The following MICU1 variants were observed in gnomAD, a reference collection of about 807,000 sequenced individuals.
MICU1 encodes the protein mitochondrial calcium uptake 1.
Under a neutral mutation model 56.8 loss-of-function variants are expected in MICU1, and 45 were observed. That is an observed-to-expected ratio of 0.79 (90% CI 0.62 to 1.02). MICU1 has a LOEUF of 1.02. Ranked by LOEUF, MICU1 falls within the 50% of genes least tolerant of loss-of-function variation. The pLI, the probability that MICU1 is intolerant of heterozygous loss-of-function variation, is 0.00. For missense variants in MICU1, 504 were observed against 587.1 expected, an observed-to-expected ratio of 0.86 and a Z score of 1.46; for synonymous variants, 186 against 195.1, an observed-to-expected ratio of 0.95 and a Z score of 0.39.
chr10:72,532,531 T>C (rs990329067), intron 5 of MICU1, among the ~76,000 whole-genome samples: 1 of 152,146 alleles, frequency 6.6e-6, no homozygotes, highest in Non-Finnish European at 1.5e-5. Flanking sequence ...CCAAAGACTC[T>C]GAAATCAGAA....
At chr10:72,475,324 G>A in intron 7 of MICU1, 27 bp from the exon 8 acceptor site, 1 of 1,542,132 alleles carries the variant, frequency 6.5e-7, no homozygotes, top group Admixed American at 2.0e-5. Flanking sequence ...CCCACATCCA[G>A]AAAAATATTA....
intron 1 of MICU1, among the ~76,000 whole-genome samples, chr10:72,615,055 T>C (rs1841943380): frequency 6.6e-6 from 1 of 152,092 alleles, no homozygotes. Flanking sequence ...GCAGCATTTT[T>C]CATACTGCGG....
chr10:72,502,375 C>T (rs10823932), intron 6 of MICU1, among the ~76,000 whole-genome samples: 70,709 of 151,852 alleles, frequency 0.47, 20,334 homozygotes, highest in Non-Finnish European at 0.67. Flanking sequence ...AGGCTGGTCT[C>T]GAACTCCTGA....
intron 6 of MICU1, among the ~76,000 whole-genome samples, chr10:72,486,416 A>T (rs999276917): frequency 1.3e-5 from 2 of 152,216 alleles, no homozygotes; most frequent in Non-Finnish European, 2.9e-5. Context: ...ATTTTGTAGA[A>T]AATTTAATGA....
intron 10 of MICU1, among the ~76,000 whole-genome samples, chr10:72,377,308 T>C (rs948962052): frequency 2.0e-5 from 3 of 152,022 alleles, no homozygotes; most frequent in African/African-American, 7.2e-5. Flanking sequence ...TTAGTAGAGA[T>C]GGGGTTTCAC....
At chr10:72,575,801 TCC>T (rs1172179675) in intron 1 of MICU1, among the ~76,000 whole-genome samples, 4 of 152,090 alleles carry the variant, frequency 2.6e-5, no homozygotes, top group Admixed American at 1.3e-4. Context: ...CCTCAAGCCT[TCC>T]CATTCCCTGA....
intron 1 of MICU1, among the ~76,000 whole-genome samples, chr10:72,600,648 C>CAAAAAAAAA (rs71021514): frequency 2.8e-5 from 3 of 105,578 alleles, no homozygotes; most frequent in African/African-American, 7.1e-5. Context: ...GACTCCGTCT[C>CAAAAAAAAA]AAAAAAAAAA....
chr10:72,594,199 GC>G (rs1319540577), intron 1 of MICU1, among the ~76,000 whole-genome samples: 1 of 152,164 alleles, frequency 6.6e-6, no homozygotes, highest in African/African-American at 2.4e-5. Context: ...CCAGAAACAA[GC>G]CCTCACATAC....
At chr10:72,498,200 A>G (rs891354981) in intron 6 of MICU1, among the ~76,000 whole-genome samples, 1 of 152,358 alleles carries the variant, frequency 6.6e-6, no homozygotes, top group African/African-American at 2.4e-5. Context: ...ATGTTAGGTC[A>G]GTTTCTAGAA....
Position 72,440,329 on chromosome 10 carries a change from G to A in MICU1, c.934-16958C>T, listed in dbSNP as rs1864878036. Among the ~76,000 whole-genome samples, 3 of 152,296 alleles carry A rather than the reference G, an allele frequency of 2.0e-5. No individual in the cohort carries two copies. The South Asian group carries it at 6.2e-4, about 32-fold the overall frequency. On this transcript the variant is annotated intron_variant, in intron 8 of 11. Coordinates refer to ENST00000361114, the MANE Select transcript of MICU1 (RefSeq NM_001195518.2). Reference sequence around the variant, plus strand: ...TTCCCTATTTAATAAATGGTGCTGGGAAAACTGGCTAGCCATATGTAGAAG... The same window carrying A: ...TTCCCTATTTAATAAATGGTGCTGGAAAAACTGGCTAGCCATATGTAGAAG...
At chr10:72,605,999 C>T (rs992198989) in intron 1 of MICU1, among the ~76,000 whole-genome samples, 7 of 151,524 alleles carry the variant, frequency 4.6e-5, no homozygotes, top group Non-Finnish European at 1.0e-4. Context: ...GGCGTGGTGG[C>T]GCATGCCTGT....
At chr10:72,624,344 G>A (rs1163322931) in intron 1 of MICU1, among the ~76,000 whole-genome samples, 1 of 152,030 alleles carries the variant, frequency 6.6e-6, no homozygotes, top group Non-Finnish European at 1.5e-5. Flanking sequence ...ACAGGCATGC[G>A]CCCAGCTAAT....
intron 6 of MICU1, among the ~76,000 whole-genome samples, chr10:72,499,613 A>AT (rs1484333178): frequency 6.6e-6 from 1 of 152,206 alleles, no homozygotes; most frequent in African/African-American, 2.4e-5. Context: ...CAATTTAGCA[A>AT]TGGCAGATAA....
chr10:72,543,289 A>C (rs1353921579), intron 4 of MICU1, among the ~76,000 whole-genome samples: 2 of 152,216 alleles, frequency 1.3e-5, no homozygotes, highest in Non-Finnish European at 2.9e-5. Context: ...CATTAGTGCA[A>C]AAATGTTTTT....
At chr10:72,496,626 G>A (rs1015095064) in intron 6 of MICU1, among the ~76,000 whole-genome samples, 1 of 152,062 alleles carries the variant, frequency 6.6e-6, no homozygotes, top group African/African-American at 2.4e-5. Context: ...TGTAGAGACT[G>A]GGTTTCACCA....
At chr10:72,600,107 C>CA (rs1761329207) in intron 1 of MICU1, among the ~76,000 whole-genome samples, 1 of 151,796 alleles carries the variant, frequency 6.6e-6, no homozygotes, top group South Asian at 2.1e-4. Flanking sequence ...GTCTGGCCAA[C>CA]ATGGTGAAAC....
rs1284500430 is a variant in MICU1, at chr10:72,367,493, ATT to A, written c.*700_*701del. 1.3e-5 allele frequency: 2 copies of A among 152,368 alleles called. No individual in the cohort carries two copies. The highest frequency in any genetic ancestry group is 2.9e-5 in the Non-Finnish European group (2 of 68,074). The allele number at this position is 152,368 out of a possible 1,614,324, so 9.4% of individuals were successfully genotyped here. A position where few individuals can be genotyped will look rare whatever the true frequency, so the allele number is the denominator to read the frequency against. On this transcript the variant is annotated 3_prime_UTR_variant, in exon 12 of 12. Coordinates refer to ENST00000361114, the MANE Select transcript of MICU1 (RefSeq NM_001195518.2). ...TGCAGGGAACATGAGCTCAATCACT[ATT>A]GCTCACTAAGCACAGGGTCACACTG... is the stretch of plus-strand genomic sequence containing the variant.
chr10:72,578,817 G>A (rs1840821461), intron 1 of MICU1, among the ~76,000 whole-genome samples: 1 of 152,110 alleles, frequency 6.6e-6, no homozygotes, highest in Non-Finnish European at 1.5e-5. Context: ...ATATTGGCCA[G>A]GCTGGTCTTG....
intron 1 of MICU1, among the ~76,000 whole-genome samples, chr10:72,597,387 T>C (rs1268560195): frequency 1.3e-5 from 2 of 152,208 alleles, no homozygotes; most frequent in Admixed American, 6.5e-5. Flanking sequence ...TGACATCTTG[T>C]AGCCTTTCTC....
Sources: allele counts gnomAD v4.1 joint callset (sites outside exome capture counted in the v4.1 genomes callset), GRCh38; gene constraint gnomAD v4.1.1; transcripts MANE v1.5; gene names NCBI Gene and HGNC (gene_info 2026-07-23, HGNC 2026-07-21).